DLC1: variants seen among roughly 807,000 people sequenced by gnomAD.
DLC1 encodes the protein DLC1 Rho GTPase activating protein.
In DLC1, 54 loss-of-function variants were observed where a neutral mutation model predicts 140.3. The ratio of observed to expected loss-of-function variants is 0.38; its 90% confidence interval spans 0.31 to 0.48. The LOEUF (loss-of-function observed/expected upper bound fraction) is 0.48, where lower values mean the gene tolerates loss of function less well. Ranked by LOEUF, DLC1 falls within the 20% of genes least tolerant of loss-of-function variation. The pLI is 0.96. For synonymous variants in DLC1, 986 were observed against 728.1 expected (o/e 1.35, Z -5.70); for missense variants, 2,536 against 1,907.0 (o/e 1.33, Z -6.14).
intron 1 of DLC1, among the ~76,000 whole-genome samples, chr8:13,579,899 A>T (rs959343526): frequency 2.6e-4 from 40 of 151,790 alleles, no homozygotes; most frequent in Middle Eastern, 3.4e-3. Flanking sequence ...CACTCTCTAG[A>T]ATGGTGGCCA....
At chr8:13,151,314 G>C (rs1823791853) in intron 5 of DLC1, among the ~76,000 whole-genome samples, 1 of 152,166 alleles carries the variant, frequency 6.6e-6, no homozygotes, top group African/African-American at 2.4e-5. Context: ...TACTATGTAT[G>C]CACTTTTGAA....
intron 13 of DLC1, 26 bp downstream of exon 13, chr8:13,092,586 G>T (rs1475945719): frequency 4.4e-6 from 7 of 1,609,140 alleles, no homozygotes; most frequent in Non-Finnish European, 5.9e-6. Context: ...CCCCCTGTGT[G>T]CATGCACCTC....
chr8:13,304,053 G>T (rs1299211784), intron 5 of DLC1, among the ~76,000 whole-genome samples: 2 of 152,046 alleles, frequency 1.3e-5, no homozygotes, highest in African/African-American at 2.4e-5. Context: ...TGACAACTTT[G>T]TTCTGTTATA....
intron 5 of DLC1, among the ~76,000 whole-genome samples, chr8:13,122,938 A>G (rs1424345050): frequency 6.6e-6 from 1 of 152,206 alleles, no homozygotes; most frequent in Non-Finnish European, 1.5e-5. Flanking sequence ...GTTTAGCTAA[A>G]GCTAATCATC....
intron 5 of DLC1, among the ~76,000 whole-genome samples, chr8:13,279,497 A>C (rs997156406): frequency 6.6e-6 from 1 of 152,160 alleles, no homozygotes; most frequent in Non-Finnish European, 1.5e-5. Flanking sequence ...CATAAATGTA[A>C]ATTTTCTTGG....
chr8:13,238,452 G>T (rs760761140), intron 5 of DLC1, among the ~76,000 whole-genome samples: 3 of 151,942 alleles, frequency 2.0e-5, no homozygotes, highest in Non-Finnish European at 4.4e-5. Context: ...GGTGGAGGCT[G>T]CAGTGAGCCA....
At chr8:13,201,174 T>C (rs1019219529) in intron 5 of DLC1, among the ~76,000 whole-genome samples, 3 of 152,088 alleles carry the variant, frequency 2.0e-5, no homozygotes, top group African/African-American at 7.2e-5. Flanking sequence ...TCTGATTTGT[T>C]TGGGACTGGA....
At chr8:13,370,368 G>GTGAC (rs892686877) in intron 4 of DLC1, among the ~76,000 whole-genome samples, 1 of 152,102 alleles carries the variant, frequency 6.6e-6, no homozygotes, top group African/African-American at 2.4e-5. Flanking sequence ...CATTTGTTGA[G>GTGAC]TGACTGACTG....
At chr8:13,228,859 G>A (rs1421541759) in intron 5 of DLC1, among the ~76,000 whole-genome samples, 1 of 152,198 alleles carries the variant, frequency 6.6e-6, no homozygotes, top group Non-Finnish European at 1.5e-5. Context: ...CATACAGAAT[G>A]GGGAATGCAA....
intron 5 of DLC1, among the ~76,000 whole-genome samples, chr8:13,155,552 A>C (rs1221328311): frequency 6.6e-6 from 1 of 152,140 alleles, no homozygotes; most frequent in African/African-American, 2.4e-5. Context: ...TAAAATATTG[A>C]GATACATGCT....
At chr8:13,442,339 T>A (rs560543632) in intron 2 of DLC1, among the ~76,000 whole-genome samples, 28 of 152,014 alleles carry the variant, frequency 1.8e-4, no homozygotes, top group African/African-American at 4.1e-4. Context: ...GCAACAAAAG[T>A]CAAAATTGAC....
chr8:13,170,229 C>G (rs1825369390), intron 5 of DLC1, among the ~76,000 whole-genome samples: 1 of 152,222 alleles, frequency 6.6e-6, no homozygotes, highest in African/African-American at 2.4e-5. Flanking sequence ...GGATACATTT[C>G]TATATGTTCT....
rs1563310308 is a variant in DLC1 at position 13,393,698 on chromosome 8, T to C, written c.1174-5A>G. The C allele has an allele frequency of 6.2e-7, 1 of 1,611,524 alleles. No individual in the cohort carries two copies. Among genetic ancestry groups the C allele is most frequent in the South Asian group, 1.1e-5 (1 of 90,542 alleles). On this transcript the variant is annotated splice_polypyrimidine_tract_variant and splice_region_variant and intron_variant, in intron 3 of 17. Coordinates refer to ENST00000276297, the MANE Select transcript of DLC1 (RefSeq NM_182643.3). ...TTCAGATCCTGATTCCAGATCCTAT[T>C]AAAAAACAAATGCACTGGTATGAAG... is the stretch of plus-strand genomic sequence containing the variant.
intron 1 of DLC1, among the ~76,000 whole-genome samples, chr8:13,520,706 C>A (rs955546067): frequency 6.6e-6 from 1 of 152,130 alleles, no homozygotes; most frequent in Non-Finnish European, 1.5e-5. Context: ...GCGAATGAGT[C>A]TGCCTGCCTG....
At chr8:13,123,261 C>A (rs1821258393) in intron 5 of DLC1, among the ~76,000 whole-genome samples, 1 of 152,072 alleles carries the variant, frequency 6.6e-6, no homozygotes, top group Non-Finnish European at 1.5e-5. Flanking sequence ...CCTGTCAGGA[C>A]CCTGCCTGCC....
intron 5 of DLC1, among the ~76,000 whole-genome samples, chr8:13,278,103 T>G (rs1027374084): frequency 6.6e-6 from 1 of 152,228 alleles, no homozygotes; most frequent in Non-Finnish European, 1.5e-5. Context: ...ATGTCCCCCA[T>G]TGAGCATGTA....
intron 5 of DLC1, chr8:13,276,129 C>A (rs1362197966): frequency 2.3e-6 from 3 of 1,302,976 alleles, no homozygotes; most frequent in African/African-American, 3.0e-5. Flanking sequence ...GAACACACTG[C>A]CATGACAAGA....
At position 13,295,942 on chromosome 8, in the gene DLC1, GTTTTTTTTTTTTTTTT is replaced by G. The variant is rs71207138; in HGVS notation, c.1348+9311_1348+9326del. The stretch of plus-strand genomic sequence containing the variant: ...AAGAGATGATCAGATAAGATTCTTT[GTTTTTTTTTTTTTTTT>G]TTTTTTTTTTTGGAGACAGAGTCTC... On this transcript the variant is annotated intron_variant, in intron 5 of 17. Coordinates refer to ENST00000276297, the MANE Select transcript of DLC1 (RefSeq NM_182643.3). Among the ~76,000 whole-genome samples, 7 of 72,898 alleles carry G rather than the reference GTTTTTTTTTTTTTTTT, an allele frequency of 9.6e-5. No individual in the cohort carries two copies. The East Asian group carries it at 4.0e-3, about 41-fold the overall frequency. 47.8% of individuals were successfully genotyped at this position (72,898 alleles called of 152,430 possible).
intron 1 of DLC1, among the ~76,000 whole-genome samples, chr8:13,540,060 C>G (rs555937174): frequency 1.3e-3 from 193 of 152,216 alleles, no homozygotes; most frequent in African/African-American, 4.5e-3. Context: ...GCTTTACAAA[C>G]CTAGTCGCAA....
Sources: allele counts gnomAD v4.1 joint callset (sites outside exome capture counted in the v4.1 genomes callset), GRCh38; gene constraint gnomAD v4.1.1; transcripts MANE v1.5; gene names NCBI Gene and HGNC (gene_info 2026-07-23, HGNC 2026-07-21).